Variants in SEMA4B observed in about 807,000 individuals in gnomAD.
SEMA4B encodes semaphorin 4B.
In SEMA4B, 55 loss-of-function variants were observed where a neutral mutation model predicts 88.1. The ratio of observed to expected loss-of-function variants is 0.62; its 90% confidence interval spans 0.50 to 0.78. SEMA4B has a LOEUF of 0.78. Among genes scored for constraint, SEMA4B ranks in the 30% least tolerant of loss-of-function variants. The pLI is 0.00. For missense variants in SEMA4B, 1,062 were observed against 1,111.9 expected (o/e 0.96, Z 0.64); for synonymous variants, 525 against 473.6 (o/e 1.11, Z -1.41).
intron 2 of SEMA4B, 23 bp from the exon 3 acceptor site, chr15:90,217,744 C>A: frequency 6.2e-7 from 1 of 1,612,424 alleles, no homozygotes; most frequent in Non-Finnish European, 8.5e-7. Flanking sequence ...TTGTCCACTA[C>A]CTTCCCCTTT....
intron 1 of SEMA4B, chr15:90,191,960 C>T (rs1960356998): frequency 6.6e-6 from 1 of 152,306 alleles, no homozygotes. Context: ...GAGCTGCTGC[C>T]CAGCCCCTGG....
intron 5 of SEMA4B, 75 bp from the exon 6 acceptor site, chr15:90,221,292 G>A: frequency 7.5e-7 from 1 of 1,336,868 alleles, no homozygotes; most frequent in Non-Finnish European, 1.0e-6. Context: ...GCAGTGCTGG[G>A]GTCACTCTGG....
At position 90,221,455 on chromosome 15, in the gene SEMA4B, C is replaced by G. The variant is rs779604538; in HGVS notation, c.684C>G (p.Thr228=). 1 of 1,591,192 alleles carries G rather than the reference C, an allele frequency of 6.3e-7. No homozygotes were observed. The highest frequency in any genetic ancestry group is 8.6e-7 in the Non-Finnish European group (1 of 1,169,210). ...GCCAAAGCCTTCGCCCCACCAAGAC[C>G]GAGAGCTCCCTCAACTGGCTGCAAG... ...SRSQSLRPTK[T]ESSLNWLQDP... The change falls in exon 6 of 14, where the codon ACC becomes ACG. Residue 228 remains threonine, a synonymous_variant. Transcript: ENST00000411539.
At chr15:90,211,666 A>G (rs1169724240) in intron 1 of SEMA4B, among the ~76,000 whole-genome samples, 1 of 152,092 alleles carries the variant, frequency 6.6e-6, no homozygotes, top group African/African-American at 2.4e-5. Context: ...TGCTGGGGTA[A>G]GTGGGTCCAA....
In SEMA4B at chr15:90,201,694, C is replaced by T. The variant is rs1960746116; in HGVS notation, c.116C>T (p.Pro39Leu). 2.0e-6 allele frequency: 3 copies of T among 1,506,718 alleles called. No individual in the cohort carries two copies. Among genetic ancestry groups the T allele is most frequent in the Non-Finnish European group, 1.8e-6 (2 of 1,133,858 alleles). 93.3% of individuals were successfully genotyped at this position (1,506,718 alleles called of 1,614,324 possible). A position where few individuals can be genotyped will look rare whatever the true frequency, so the allele number is the denominator to read the frequency against. The change falls in exon 1 of 14, where the codon CCT (proline) becomes CTT (leucine). Residue 39 changes from proline (P) to leucine (L), a missense_variant. Physicochemically the swap from Pro to Leu is moderately conservative, Grantham distance 98. Transcript: ENST00000411539. ...LLLLLLLQPP[P>L]PTWALSPRIS... ...CTGCTGCTCCTGCTGCAGCCGCCGC[C>T]TCCGACCTGGGCGCTCAGCCCCCGG...
Position 90,218,368 on chromosome 15 carries a change from G to A in SEMA4B, c.384+539G>A, listed in dbSNP as rs533172586. Among the ~76,000 whole-genome samples the A allele has an allele frequency of 2.6e-5, 4 of 152,290 alleles. No homozygotes were observed. In the South Asian group the frequency reaches 8.3e-4, roughly 32 times the overall value. On this transcript the variant is annotated intron_variant, in intron 3 of 13. Coordinates refer to ENST00000411539, the MANE Select transcript of SEMA4B (RefSeq NM_198925.4). ...TGCAGCAGGTGCTGGGTAAGGTGAGGGCAAACGAGTGCTGGACTTGGGATC... is the reference window on the plus strand; with the variant it reads ...TGCAGCAGGTGCTGGGTAAGGTGAGAGCAAACGAGTGCTGGACTTGGGATC...
chr15:90,227,493 G>C (rs1280105920), intron 12 of SEMA4B, 64 bp from the exon 13 acceptor site: 1 of 1,497,530 alleles, frequency 6.7e-7, no homozygotes, highest in Non-Finnish European at 9.2e-7. Context: ...TCTGCAGTGA[G>C]GGGTGAGGGA....
intron 1 of SEMA4B, among the ~76,000 whole-genome samples, chr15:90,187,662 C>T (rs1316013976): frequency 1.3e-5 from 2 of 152,094 alleles, no homozygotes; most frequent in South Asian, 2.1e-4. Context: ...CCAAGTTGGC[C>T]GTGGCCACTA....
chr15:90,201,630 G>T lies in SEMA4B; in HGVS notation c.52G>T (p.Ala18Ser). The T allele has an allele frequency of 6.6e-7, 1 of 1,517,228 alleles. No individual in the cohort carries two copies. The highest frequency in any genetic ancestry group is 2.0e-5 in the Admixed American group (1 of 50,036). 94.0% of individuals were successfully genotyped at this position (1,517,228 alleles called of 1,614,324 possible). A position where few individuals can be genotyped will look rare whatever the true frequency, so the allele number is the denominator to read the frequency against. The change falls in exon 1 of 14, where the codon GCG becomes TCG. Residue 18 changes from alanine to serine, a missense_variant. By Grantham distance (99) the Ala-to-Ser change is moderately conservative. Coordinates refer to ENST00000411539, the MANE Select transcript of SEMA4B (RefSeq NM_198925.4). Reference protein sequence around the residue: ...LRSWLAAPWGALPPRPPLLLL... With the variant: ...LRSWLAAPWGSLPPRPPLLLL... ...GAGCTGGCTCGCCGCCCCATGGGGC[G>T]CGCTGCCGCCTCGGCCACCGCTGCT... is the stretch of plus-strand genomic sequence containing the variant.
At position 90,224,036 on chromosome 15, in the gene SEMA4B, G is replaced by A. The variant is rs556010586; in HGVS notation, c.1194+48G>A. The A allele has an allele frequency of 8.3e-6, 13 of 1,566,424 alleles. No homozygotes were observed. The South Asian group carries it at 1.0e-4, about 12-fold the overall frequency. ...CAGAAGGGGTGCCGGGAAGATGTGG[G>A]TCCCCACACCATGCTGGGAGCAAGG... On this transcript the variant is annotated intron_variant, in intron 9 of 13. Transcript: ENST00000411539.
rs932606938 is a variant in SEMA4B at position 90,229,125 on chromosome 15, T to A, written c.*482T>A. 2 of 356,106 alleles carry A rather than the reference T, an allele frequency of 5.6e-6. No individual in the cohort carries two copies. Among genetic ancestry groups the A allele is most frequent in the Non-Finnish European group, 1.1e-5 (2 of 179,090 alleles). 22.1% of individuals were successfully genotyped at this position (356,106 alleles called of 1,614,324 possible). ...GCTGCCACCGGCTGCCCTGTCTCAC[T>A]GCAGATTCAGGACCAGCTTGGGCTG... On this transcript the variant is annotated 3_prime_UTR_variant, in exon 14 of 14. Coordinates refer to ENST00000411539, the MANE Select transcript of SEMA4B (RefSeq NM_198925.4).
intron 3 of SEMA4B, among the ~76,000 whole-genome samples, chr15:90,218,248 G>C (rs1961632967): frequency 6.6e-6 from 1 of 152,168 alleles, no homozygotes. Context: ...TTCTGGTGTG[G>C]TTTTGGCCAA....
chr15:90,221,702 G>A lies in SEMA4B; in HGVS notation c.798G>A (p.Glu266=), dbSNP rs1336320788. The A allele has an allele frequency of 6.2e-7, 1 of 1,613,914 alleles. No homozygotes were observed. The highest frequency in any genetic ancestry group is 1.7e-5 in the Admixed American group (1 of 59,996). The change falls in exon 7 of 14, where the codon GAG becomes GAA. Residue 266 remains glutamate (E), a synonymous_variant. Transcript: ENST00000411539. ...ACAAGATCTACTTTTTCTTCAGCGA[G>A]ACTGGCCAGGAATTTGAGTTCTTTG... ...DDDKIYFFFS[E]TGQEFEFFEN... is the part of the protein sequence containing the mutation.
chr15:90,195,393 C>T (rs1596119458), intron 1 of SEMA4B, among the ~76,000 whole-genome samples: 1 of 152,042 alleles, frequency 6.6e-6, no homozygotes, highest in Admixed American at 6.6e-5. Flanking sequence ...CGCCTCGCTG[C>T]ATTTGATTAT....
chr15:90,227,283 G>A (rs1962218308), intron 12 of SEMA4B: 2 of 396,858 alleles, frequency 5.0e-6, no homozygotes. Flanking sequence ...CTGGGCTCAA[G>A]CGATCTACCG....
At chr15:90,200,710 C>T (rs1266229357), upstream of SEMA4B, among the ~76,000 whole-genome samples, 1 of 152,178 alleles carries the variant, frequency 6.6e-6, no homozygotes, top group Non-Finnish European at 1.5e-5. Flanking sequence ...ACATTAAATC[C>T]TATTATCCCA....
upstream of SEMA4B, chr15:90,201,317 C>T: frequency 8.5e-7 from 1 of 1,173,970 alleles, no homozygotes; most frequent in Non-Finnish European, 1.1e-6. Flanking sequence ...CTCCTTCAGC[C>T]CCGCCCTCCG....
intron 9 of SEMA4B, 60 bp downstream of exon 9, chr15:90,224,048 T>G: frequency 2.0e-6 from 3 of 1,536,688 alleles, no homozygotes; most frequent in Non-Finnish European, 2.6e-6. Context: ...CCCCACACCA[T>G]GCTGGGAGCA....
chr15:90,206,902 A>G, intron 1 of SEMA4B: 1 of 694,916 alleles, frequency 1.4e-6, no homozygotes, highest in Non-Finnish European at 2.6e-6. Flanking sequence ...TATAGTAGTT[A>G]AGGACTATGG....
Sources: gnomAD v4.1 joint callset for allele counts (sites outside exome capture counted in the v4.1 genomes callset) on GRCh38, gnomAD v4.1.1 for gene constraint, MANE v1.5 for transcripts, NCBI Gene and HGNC (gene_info 2026-07-23, HGNC 2026-07-21) for gene names.